MYO3A: variants seen among roughly 807,000 people sequenced by gnomAD.
The protein encoded by MYO3A is myosin-IIIa.
A neutral mutation model predicts 192.7 loss-of-function variants in MYO3A; 180 were observed. The observed-to-expected ratio is 0.93, with a 90% CI of 0.83 to 1.06. The LOEUF (loss-of-function observed/expected upper bound fraction) is 1.06, where lower values mean the gene tolerates loss of function less well. MYO3A is among the 50% of genes least tolerant of loss of function. The pLI is 0.00. For missense variants in MYO3A, 1,896 were observed against 1,905.0 expected (o/e 1.00, Z 0.09); for synonymous variants, 628 against 645.3 (o/e 0.97, Z 0.41).
In MYO3A at chr10:26,143,059, G is replaced by A. The variant is rs548956130; in HGVS notation, c.2263-389G>A. On this transcript the variant is annotated intron_variant, in intron 20 of 34. Transcript: ENST00000642920. The stretch of plus-strand genomic sequence containing the variant: ...TTAAGAGCAAGGTCAGGCCGGGCGC[G>A]GTGGCTCATGCCTGTAATCCCAGCA... Among the ~76,000 whole-genome samples, 52 of 152,232 alleles carry A rather than the reference G, an allele frequency of 3.4e-4. No individual in the cohort carries two copies. In the South Asian group the frequency reaches 9.1e-3, roughly 27 times the overall value.
At chr10:26,184,015 C>A (rs760656306) in intron 31 of MYO3A, among the ~76,000 whole-genome samples, 5 of 151,976 alleles carry the variant, frequency 3.3e-5, no homozygotes, top group Non-Finnish European at 7.4e-5. Context: ...CCCCGGAATT[C>A]GAGACCAGCC....
At chr10:26,044,613 A>C (rs1021105844) in intron 10 of MYO3A, among the ~76,000 whole-genome samples, 1 of 152,178 alleles carries the variant, frequency 6.6e-6, no homozygotes, top group Admixed American at 6.5e-5. Context: ...TCTGTATATA[A>C]CTAATGCTAG....
intron 6 of MYO3A, among the ~76,000 whole-genome samples, chr10:26,004,012 G>A (rs1046260135): frequency 6.6e-6 from 1 of 152,128 alleles, no homozygotes; most frequent in Admixed American, 6.5e-5. Flanking sequence ...AAAAATTATG[G>A]AGTGCCCTTC....
chr10:26,200,078 G>A (rs1041166887), intron 32 of MYO3A, among the ~76,000 whole-genome samples: 2 of 152,138 alleles, frequency 1.3e-5, no homozygotes, highest in East Asian at 1.9e-4. Flanking sequence ...GACAGGAAAC[G>A]GGAGAACAGG....
chr10:25,989,747 A>G (rs771011708), intron 4 of MYO3A, among the ~76,000 whole-genome samples: 2 of 152,214 alleles, frequency 1.3e-5, no homozygotes, highest in Non-Finnish European at 2.9e-5. Context: ...GAAAAATTGC[A>G]TGAGAAAATT....
At chr10:25,943,768 TTG>T (rs58905708) in intron 2 of MYO3A, among the ~76,000 whole-genome samples, 7,158 of 142,566 alleles carry the variant, frequency 0.05, 170 homozygotes, top group African/African-American at 0.064. Flanking sequence ...GTTCTAACAT[TTG>T]TGTGTGTGTG....
chr10:26,034,706 A>G (rs1434908872), intron 10 of MYO3A, among the ~76,000 whole-genome samples: 2 of 152,144 alleles, frequency 1.3e-5, no homozygotes, highest in African/African-American at 2.4e-5. Context: ...AAAGATAATT[A>G]TATTAATAAT....
chr10:26,058,700 T>C (rs893973731), intron 10 of MYO3A, among the ~76,000 whole-genome samples: 3 of 152,236 alleles, frequency 2.0e-5, no homozygotes, highest in Non-Finnish European at 4.4e-5. Flanking sequence ...CTTTTGACTT[T>C]CCATATAAAC....
At position 26,125,495 on chromosome 10, in the gene MYO3A, T is replaced by C. The variant is rs753449730; in HGVS notation, c.2001T>C (p.Thr667=). 6.2e-7 allele frequency: 1 copy of C among 1,614,124 alleles called. No individual in the cohort carries two copies. Among genetic ancestry groups the C allele is most frequent in the Non-Finnish European group, 8.5e-7 (1 of 1,179,946 alleles). Residue 667 remains threonine, a synonymous_variant, in exon 19 of 35, where the codon ACT becomes ACC. Transcript: ENST00000642920. ...GAGAAACAATTATACGACCCAATAC[T>C]GTAGAAAAAGCTACCGATGTCAGGG... ...TRGETIIRPN[T]VEKATDVRDA...
At chr10:26,037,977 A>G (rs1843130344) in intron 10 of MYO3A, among the ~76,000 whole-genome samples, 1 of 152,304 alleles carries the variant, frequency 6.6e-6, no homozygotes, top group African/African-American at 2.4e-5. Flanking sequence ...GCACAGAGCC[A>G]TATCAGCACC....
intron 26 of MYO3A, among the ~76,000 whole-genome samples, chr10:26,159,815 G>T (rs1056870825): frequency 1.3e-5 from 2 of 152,068 alleles, no homozygotes; most frequent in Admixed American, 6.5e-5. Context: ...CCTTATAGTA[G>T]TTTAAGACAA....
chr10:25,936,457 T>G (rs1222829081), intron 2 of MYO3A, among the ~76,000 whole-genome samples: 1 of 152,214 alleles, frequency 6.6e-6, no homozygotes, highest in African/African-American at 2.4e-5. Context: ...TTCTTTTTCT[T>G]TTTATAAACA....
intron 10 of MYO3A, among the ~76,000 whole-genome samples, chr10:26,039,045 GT>G (rs949427600): frequency 6.6e-6 from 1 of 151,466 alleles, no homozygotes; most frequent in African/African-American, 2.4e-5. Flanking sequence ...TTGTTTGTTT[GT>G]TTGTTTGTTT....
intron 28 of MYO3A, 56 bp from the exon 29 acceptor site, chr10:26,170,360 G>A: frequency 6.3e-7 from 1 of 1,584,234 alleles, no homozygotes; most frequent in South Asian, 1.1e-5. Flanking sequence ...ACTCTTTAAA[G>A]TAAATTTCTT....
At chr10:25,945,789 T>A (rs1233202990) in intron 2 of MYO3A, among the ~76,000 whole-genome samples, 2 of 152,266 alleles carry the variant, frequency 1.3e-5, no homozygotes, top group African/African-American at 4.8e-5. Context: ...TTTTGGTTGT[T>A]TTTCGATGTT....
At chr10:26,101,031 A>G (rs1274744289) in intron 17 of MYO3A, among the ~76,000 whole-genome samples, 1 of 152,200 alleles carries the variant, frequency 6.6e-6, no homozygotes, top group East Asian at 1.9e-4. Context: ...GTGGGAGTCT[A>G]CGTCTCTTTG....
At chr10:25,953,698 T>C (rs1837359227) in intron 3 of MYO3A, among the ~76,000 whole-genome samples, 1 of 152,262 alleles carries the variant, frequency 6.6e-6, no homozygotes, top group Non-Finnish European at 1.5e-5. Flanking sequence ...TATTCTTTCA[T>C]AATTTACTCA....
At chr10:26,119,685 C>G (rs1330806928) in intron 17 of MYO3A, among the ~76,000 whole-genome samples, 1 of 152,120 alleles carries the variant, frequency 6.6e-6, no homozygotes, top group Admixed American at 6.5e-5. Flanking sequence ...TACTTCACTG[C>G]ACCATGAACA....
intron 20 of MYO3A, among the ~76,000 whole-genome samples, chr10:26,139,898 A>T (rs914963032): frequency 6.6e-6 from 1 of 152,170 alleles, no homozygotes; most frequent in African/African-American, 2.4e-5. Context: ...AAAAAAGTCA[A>T]TCTACAAACA....
Sources: gnomAD v4.1 joint callset for allele counts (sites outside exome capture counted in the v4.1 genomes callset) on GRCh38, gnomAD v4.1.1 for gene constraint, MANE v1.5 for transcripts, NCBI Gene and HGNC (gene_info 2026-07-23, HGNC 2026-07-21) for gene names.